PRKN: variants seen among roughly 807,000 people sequenced by gnomAD.
PRKN encodes the protein parkin RBR E3 ubiquitin protein ligase.
In PRKN, 56 loss-of-function variants were observed where a neutral mutation model predicts 59.5. That is an observed-to-expected ratio of 0.94 (90% confidence interval 0.76 to 1.18). The LOEUF (loss-of-function observed/expected upper bound fraction) is 1.18, where lower values mean the gene tolerates loss of function less well. PRKN is among the 50% of genes most tolerant of loss of function. The pLI, the probability that PRKN is intolerant of heterozygous loss-of-function variation, is 0.00. For missense variants in PRKN, 657 were observed against 596.4 expected (o/e 1.10, Z -1.06); for synonymous variants, 250 against 222.1 (o/e 1.13, Z -1.12).
chr6:161,957,670 G>A (rs1363310319), intron 6 of PRKN, among the ~76,000 whole-genome samples: 3 of 152,014 alleles, frequency 2.0e-5, no homozygotes, highest in Non-Finnish European at 4.4e-5. Flanking sequence ...TGATCCACCC[G>A]CCTCGGCCTC....
chr6:162,410,215 T>C (rs201316085), intron 2 of PRKN, among the ~76,000 whole-genome samples: 1,470 of 146,416 alleles, frequency 0.01, 29 homozygotes, highest in African/African-American at 0.028. Flanking sequence ...TTTTTTTTTT[T>C]CCAGCTGGAG....
chr6:161,760,108 A>T (rs1055105272), intron 7 of PRKN, among the ~76,000 whole-genome samples: 1 of 150,566 alleles, frequency 6.6e-6, no homozygotes, highest in Non-Finnish European at 1.5e-5. Flanking sequence ...CACAATGTCA[A>T]TTGCTAACTT....
Position 161,497,540 on chromosome 6 carries a change from C to G in PRKN, c.1083+51314G>C, listed in dbSNP as rs1409902239. On this transcript the variant is annotated intron_variant, in intron 9 of 11. Transcript: ENST00000366898. This position sits in a 1 kb window ranked among gnomAD's most constrained non-coding sequence, Gnocchi z 4.6. The stretch of plus-strand genomic sequence containing the variant: ...TACAATTCTCAAGTCTGTGTGTGTG[C>G]ACAGTGCTTACATGTCTCTCTCTCT... 6.7e-6 allele frequency among the ~76,000 whole-genome samples: 1 copy of G among 150,116 alleles called. No homozygotes were observed. The highest frequency in any genetic ancestry group is 2.5e-5 in the African/African-American group (1 of 40,188).
chr6:162,216,681 T>C (rs1244214735), intron 3 of PRKN, among the ~76,000 whole-genome samples: 3 of 151,042 alleles, frequency 2.0e-5, no homozygotes, highest in Non-Finnish European at 4.4e-5. Flanking sequence ...GGAAGCTCCA[T>C]CATTGGGCTT....
intron 2 of PRKN, among the ~76,000 whole-genome samples, chr6:162,351,553 G>A (rs898972178): frequency 6.6e-6 from 1 of 152,086 alleles, no homozygotes; most frequent in Admixed American, 6.6e-5. Context: ...AGGACATTTC[G>A]CAGGGAAGTA....
chr6:161,550,738 CGTGT>C lies in PRKN; in HGVS notation c.934-1739_934-1736del, dbSNP rs57908717. 3.4e-4 allele frequency among the ~76,000 whole-genome samples: 50 copies of C among 146,300 alleles called. No homozygotes were observed. The highest frequency in any genetic ancestry group is 7.0e-4 in the African/African-American group (27 of 38,750). On this transcript the variant is annotated intron_variant, in intron 8 of 11. Coordinates refer to ENST00000366898, the MANE Select transcript of PRKN (RefSeq NM_004562.3). The surrounding 1 kb of genome is among the most constrained non-coding windows in gnomAD (Gnocchi z 4.0). ...AAGAAAGGGTATGTGTGTGTGTGCA[CGTGT>C]GTGTGTGTGTGTGTGTGTGTAGGGA...
intron 1 of PRKN, among the ~76,000 whole-genome samples, chr6:162,493,296 C>A (rs894790873): frequency 2.0e-5 from 3 of 152,058 alleles, no homozygotes; most frequent in African/African-American, 7.2e-5. Flanking sequence ...TTCCTGAAGG[C>A]CAAAGGTTGG....
intron 1 of PRKN, among the ~76,000 whole-genome samples, chr6:162,590,917 G>A (rs73595935): frequency 0.026 from 3,982 of 152,134 alleles, 177 homozygotes; most frequent in African/African-American, 0.09. Context: ...TCCTCTCCAG[G>A]CCTCGTATCA....
rs554087717 is a variant in PRKN at position 162,118,065 on chromosome 6, C to T, written c.535-63891G>A. 2.0e-5 allele frequency among the ~76,000 whole-genome samples: 3 copies of T among 152,174 alleles called. No homozygotes were observed. The South Asian group carries it at 6.2e-4, about 32-fold the overall frequency. On this transcript the variant is annotated intron_variant, in intron 4 of 11. Transcript: ENST00000366898. Reference sequence around the variant, plus strand: ...GAGCCAAGATCACGCTGTTGCACTCCAGTCTGGGCGACAAGAGTGAAACAT... The same window carrying T: ...GAGCCAAGATCACGCTGTTGCACTCTAGTCTGGGCGACAAGAGTGAAACAT...
chr6:161,552,893 C>G lies in PRKN; in HGVS notation c.934-3890G>C, dbSNP rs1446563405. Among the ~76,000 whole-genome samples, 3 of 150,942 alleles carry G rather than the reference C, an allele frequency of 2.0e-5. No homozygotes were observed. The highest frequency in any genetic ancestry group is 7.3e-5 in the African/African-American group (3 of 41,128). ...GCAACCTTCATCTCTTGGGTTCAAG[C>G]GATTCTCCTGCCTCAGCCTCCCGAG... On this transcript the variant is annotated intron_variant, in intron 8 of 11. Transcript: ENST00000366898. This position sits in a 1 kb window ranked among gnomAD's most constrained non-coding sequence, Gnocchi z 4.9.
rs1273719463 is a variant in PRKN, at chr6:161,549,682, C to G, written c.934-679G>C. Among the ~76,000 whole-genome samples the G allele has an allele frequency of 2.6e-5, 4 of 152,310 alleles. No individual in the cohort carries two copies. The South Asian group carries it at 8.3e-4, about 32-fold the overall frequency. ...CCTGCAAATAAATTCCAAACTCCAT[C>G]AGACCATTTTCAAGGTCTTCTTTGT... On this transcript the variant is annotated intron_variant, in intron 8 of 11. Transcript: ENST00000366898. This position sits in a 1 kb window ranked among gnomAD's most constrained non-coding sequence, Gnocchi z 6.0.
At chr6:161,885,461 G>C (rs770102711) in intron 6 of PRKN, among the ~76,000 whole-genome samples, 3 of 152,042 alleles carry the variant, frequency 2.0e-5, no homozygotes, top group South Asian at 2.1e-4. Context: ...TCAGGAGATA[G>C]AGACCATCCT....
intron 2 of PRKN, among the ~76,000 whole-genome samples, chr6:162,345,308 G>A (rs1399686223): frequency 6.6e-6 from 1 of 152,196 alleles, no homozygotes; most frequent in Non-Finnish European, 1.5e-5. Context: ...CCCAAGGGTA[G>A]GCTTGAAGCA....
intron 2 of PRKN, among the ~76,000 whole-genome samples, chr6:162,329,637 A>G (rs1394005228): frequency 6.6e-6 from 1 of 152,114 alleles, no homozygotes; most frequent in Non-Finnish European, 1.5e-5. Context: ...ATAAAGGGGA[A>G]CTAAGAACAA....
chr6:162,035,847 AT>A (rs1783817411), intron 5 of PRKN, among the ~76,000 whole-genome samples: 1 of 152,206 alleles, frequency 6.6e-6, no homozygotes, highest in Non-Finnish European at 1.5e-5. Context: ...TAATTTGTAG[AT>A]TTTTGGTGAG....
At position 161,882,774 on chromosome 6, in the gene PRKN, T is replaced by C. The variant is rs370240869; in HGVS notation, c.734+90528A>G. Among the ~76,000 whole-genome samples the C allele has an allele frequency of 4.5e-4, 68 of 151,892 alleles. 1 individual carries two copies. In the South Asian group the frequency reaches 0.013, roughly 30 times the overall value. On this transcript the variant is annotated intron_variant, in intron 6 of 11. Coordinates refer to ENST00000366898, the MANE Select transcript of PRKN (RefSeq NM_004562.3). ...ATCCCAGCACTTTGGGAGGCCGAGG[T>C]GGGTGGATCACTTGAGGTCAGGAGT...
At chr6:162,592,627 T>A (rs995723009) in intron 1 of PRKN, among the ~76,000 whole-genome samples, 1 of 152,094 alleles carries the variant, frequency 6.6e-6, no homozygotes, top group African/African-American at 2.4e-5. Context: ...GTGTTCACTT[T>A]TTGCCCTGTA....
intron 1 of PRKN, among the ~76,000 whole-genome samples, chr6:162,557,585 T>C (rs1779659605): frequency 1.3e-5 from 2 of 152,290 alleles, no homozygotes; most frequent in South Asian, 4.1e-4. Context: ...ATGATCTCAC[T>C]ACAACCTCCA....
At position 162,097,514 on chromosome 6, in the gene PRKN, G is replaced by A. The variant is rs188503675; in HGVS notation, c.535-43340C>T. ...AGTCAATGCAACTTGGAGAATTTCC[G>A]TAATGGTGGTTAAGGAAATAAATTT... On this transcript the variant is annotated intron_variant, in intron 4 of 11. Transcript: ENST00000366898. Among the ~76,000 whole-genome samples the A allele has an allele frequency of 5.3e-3, 809 of 152,296 alleles. 11 individuals carry two copies. The highest frequency in any genetic ancestry group is 0.018 in the African/African-American group (728 of 41,570).
Sources: allele counts gnomAD v4.1 joint callset (sites outside exome capture counted in the v4.1 genomes callset), GRCh38; gene constraint gnomAD v4.1.1; non-coding constraint Gnocchi (gnomAD v3.1); transcripts MANE v1.5; gene names NCBI Gene and HGNC (gene_info 2026-07-23, HGNC 2026-07-21).